The following MTOR variants were observed in gnomAD, a reference collection of about 807,000 sequenced individuals.
MTOR encodes the protein serine/threonine-protein kinase mTOR.
Under a neutral mutation model 319.8 loss-of-function variants are expected in MTOR, and 70 were observed. The ratio of observed to expected loss-of-function variants is 0.22; its 90% CI spans 0.18 to 0.27. MTOR has a LOEUF of 0.27. Among genes scored for constraint, MTOR ranks in the 10% least tolerant of loss-of-function variants. MTOR has a pLI of 1.00. For synonymous variants in MTOR, 1,183 were observed against 1,211.4 expected, an observed-to-expected ratio of 0.98 and a Z score of 0.49; for missense variants, 1,890 against 3,274.4, an observed-to-expected ratio of 0.58 and a Z score of 10.32.
Position 11,235,280 on chromosome 1 carries a change from T to C in MTOR, c.2209-1015A>G, listed in dbSNP as rs553502614. Among the ~76,000 whole-genome samples the C allele has an allele frequency of 3.3e-5, 5 of 152,300 alleles. No homozygotes were observed. The East Asian group carries it at 9.7e-4, about 29-fold the overall frequency. On this transcript the variant is annotated intron_variant, in intron 13 of 57. Transcript: ENST00000361445. ...AGAGCCCGAGAGCCTCACTGCATCCTAATAACAATAACCAATGCCCACCCT... is the reference window on the plus strand; with the variant it reads ...AGAGCCCGAGAGCCTCACTGCATCCCAATAACAATAACCAATGCCCACCCT...
intron 2 of MTOR, among the ~76,000 whole-genome samples, chr1:11,258,805 C>T (rs1241200908): frequency 6.6e-6 from 1 of 152,158 alleles, no homozygotes; most frequent in Admixed American, 6.6e-5. Flanking sequence ...TAGGTATCTA[C>T]TCTGTGGCAG....
At chr1:11,107,558 C>T in intron 57 of MTOR, 58 bp from the exon 58 acceptor site, 2 of 1,581,636 alleles carry the variant, frequency 1.3e-6, no homozygotes, top group Non-Finnish European at 1.7e-6. Context: ...CAAAGGTTTA[C>T]ACAGATAACT....
chr1:11,236,123 TTTC>T (rs1647210992), intron 13 of MTOR, among the ~76,000 whole-genome samples: 2 of 151,646 alleles, frequency 1.3e-5, no homozygotes, highest in South Asian at 2.1e-4. Context: ...TTAGGAGGTA[TTTC>T]TTATTTTTTC....
In MTOR at chr1:11,139,668, T is replaced by G; in HGVS notation, c.4873-10A>C. 6.2e-7 allele frequency: 1 copy of G among 1,614,180 alleles called. No homozygotes were observed. The highest frequency in any genetic ancestry group is 1.7e-5 in the Admixed American group (1 of 60,028). On this transcript the variant is annotated splice_polypyrimidine_tract_variant and intron_variant, in intron 34 of 57. Coordinates refer to ENST00000361445, the MANE Select transcript of MTOR (RefSeq NM_004958.4). ...CGATACGCTGGCAGCCCTGGAACAT[T>G]CAGAAGTGAAGATTAGATATGTCTT...
chr1:11,169,749 G>T (rs147657091), intron 28 of MTOR, among the ~76,000 whole-genome samples: 1,710 of 152,080 alleles, frequency 0.011, 66 homozygotes, highest in South Asian at 0.066. Flanking sequence ...CATCTTTTTT[G>T]AATGTAAATT....
At chr1:11,135,764 C>T (rs1203250468) in intron 36 of MTOR, among the ~76,000 whole-genome samples, 5 of 149,104 alleles carry the variant, frequency 3.4e-5, no homozygotes, top group Admixed American at 6.7e-5. Flanking sequence ...ACCCGGGAGG[C>T]GGAGGTTGTA....
chr1:11,123,878 C>T (rs959831159), intron 47 of MTOR, among the ~76,000 whole-genome samples: 4 of 152,064 alleles, frequency 2.6e-5, no homozygotes, highest in African/African-American at 9.7e-5. Flanking sequence ...ACCTCCGCCT[C>T]CCAGGTTCAA....
At chr1:11,112,089 C>A (rs1319250918) in intron 54 of MTOR, among the ~76,000 whole-genome samples, 1 of 152,156 alleles carries the variant, frequency 6.6e-6, no homozygotes, top group African/African-American at 2.4e-5. Context: ...GGTTTCCACA[C>A]ACAAAAAGGA....
chr1:11,118,525 G>A (rs545778612), intron 49 of MTOR, among the ~76,000 whole-genome samples: 4 of 150,000 alleles, frequency 2.7e-5, no homozygotes, highest in Non-Finnish European at 4.4e-5. Context: ...GTGAACCACC[G>A]TGCCTGGTCT....
Position 11,128,467 on chromosome 1 carries a change from C to T in MTOR, c.5897G>A (p.Arg1966Gln), listed in dbSNP as rs1316157865. Reference sequence around the variant, plus strand: ...GTCTCCACATACCTGGGGGTGGTACCGACCAATGTCTGTGAGAAGCTGGTG... The same window carrying T: ...GTCTCCACATACCTGGGGGTGGTACTGACCAATGTCTGTGAGAAGCTGGTG... ...LIHQLLTDIG[R>Q]YHPQALIYPL... The change falls in exon 42 of 58, where the codon CGG becomes CAG. Residue 1966 changes from arginine (R) to glutamine (Q), a missense_variant. Coordinates refer to ENST00000361445, the MANE Select transcript of MTOR (RefSeq NM_004958.4). This position sits in a 1 kb window ranked among gnomAD's most constrained non-coding sequence, Gnocchi z 5.3. 4.3e-6 allele frequency: 7 copies of T among 1,614,008 alleles called. No homozygotes were observed. The highest frequency in any genetic ancestry group is 5.9e-6 in the Non-Finnish European group (7 of 1,179,970).
intron 10 of MTOR, among the ~76,000 whole-genome samples, chr1:11,241,151 C>G (rs1647957758): frequency 1.3e-5 from 2 of 151,662 alleles, no homozygotes; most frequent in South Asian, 4.2e-4. Flanking sequence ...GAAACCCCAA[C>G]TCTACTAAAA....
In MTOR at chr1:11,109,612, C is replaced by G. The variant is rs1205824575; in HGVS notation, c.7447+37G>C. On this transcript the variant is annotated intron_variant, in intron 55 of 57. Coordinates refer to ENST00000361445, the MANE Select transcript of MTOR (RefSeq NM_004958.4). This position sits in a 1 kb window ranked among gnomAD's most constrained non-coding sequence, Gnocchi z 4.0. ...ACACAGCTGCTATTTTCTTAATGAG[C>G]TAGTCACTGGTGCGGTTCCTCAGAG... 2 of 1,583,638 alleles carry G rather than the reference C, an allele frequency of 1.3e-6. No individual in the cohort carries two copies. The highest frequency in any genetic ancestry group is 4.5e-5 in the East Asian group (2 of 44,746).
chr1:11,231,263 C>A (rs113702461), intron 17 of MTOR, 37 bp downstream of exon 17: 1 of 1,612,760 alleles, frequency 6.2e-7, no homozygotes, highest in Non-Finnish European at 8.5e-7. Flanking sequence ...ATCGTCCCAG[C>A]AAAGTCTTTA....
chr1:11,114,545 G>A, intron 52 of MTOR, 92 bp from the exon 53 acceptor site: 1 of 1,545,442 alleles, frequency 6.5e-7, no homozygotes, highest in Admixed American at 1.8e-5. Context: ...TTAGGAAGCA[G>A]ACACAGGCCA....
In MTOR at chr1:11,204,680, G is replaced by C; in HGVS notation, c.3825C>G (p.Val1275=). ...GCCATTCCAGCCAGTCATCTTTGGA[G>C]ACCCTCCTGGCAGCGCCCCAGGCCT... ...LQKAWGAARR[V]SKDDWLEWLR... The change falls in exon 26 of 58, where the codon GTC becomes GTG. Residue 1275 remains valine, a synonymous_variant. Transcript: ENST00000361445. 6.2e-7 allele frequency: 1 copy of C among 1,614,102 alleles called. No homozygotes were observed. The highest frequency in any genetic ancestry group is 2.2e-5 in the East Asian group (1 of 44,862).
chr1:11,110,020 C>T (rs1011281201), intron 54 of MTOR, among the ~76,000 whole-genome samples: 1 of 150,750 alleles, frequency 6.6e-6, no homozygotes, highest in African/African-American at 2.4e-5. Context: ...ATTTTTAAAT[C>T]TGTAAAGCCA....
At chr1:11,226,116 T>C (rs1430293648) in intron 19 of MTOR, 1 of 152,188 alleles carries the variant, frequency 6.6e-6, no homozygotes, top group African/African-American at 2.4e-5. Flanking sequence ...ACGTTATCAG[T>C]GTGATTCAAC....
At position 11,129,177 on chromosome 1, in the gene MTOR, C is replaced by T. The variant is rs1016858019; in HGVS notation, c.5715-226G>A. Among the ~76,000 whole-genome samples the T allele has an allele frequency of 1.4e-4, 21 of 152,092 alleles. No homozygotes were observed. Among genetic ancestry groups the T allele is most frequent in the African/African-American group, 5.1e-4 (21 of 41,408 alleles). On this transcript the variant is annotated intron_variant, in intron 40 of 57. Transcript: ENST00000361445. The surrounding 1 kb of genome is among the most constrained non-coding windows in gnomAD (Gnocchi z 4.7). ...AAATGAGCATTTCATCCCAGGTCAC[C>T]GAGGGGTCACCATGGCATGTATGCA...
At position 11,133,032 on chromosome 1, in the gene MTOR, C is replaced by T. The variant is rs145092514; in HGVS notation, c.5364+48G>A. The T allele has an allele frequency of 8.7e-4, 1,330 of 1,530,340 alleles. 10 individuals carry two copies. In the African/African-American group the frequency reaches 0.016, roughly 18 times the overall value. 94.8% of individuals were successfully genotyped at this position (1,530,340 alleles called of 1,614,324 possible). ...GTAACCACGAGCACACAGGAGGACA[C>T]GAGCCAGCCAGGGTGCTGGGTCTCA... On this transcript the variant is annotated intron_variant, in intron 38 of 57. Transcript: ENST00000361445. The surrounding 1 kb of genome is among the most constrained non-coding windows in gnomAD (Gnocchi z 4.0).
Sources: allele counts gnomAD v4.1 joint callset (sites outside exome capture counted in the v4.1 genomes callset), GRCh38; gene constraint gnomAD v4.1.1; non-coding constraint Gnocchi (gnomAD v3.1); transcripts MANE v1.5; gene names NCBI Gene and HGNC (gene_info 2026-07-23, HGNC 2026-07-21).